SH3BP2: variants seen among roughly 807,000 people sequenced by gnomAD.
SH3BP2 encodes SH3 domain binding protein 2.
SH3BP2 carries 38 observed loss-of-function variants against 56.2 expected under a neutral mutation model. That is an observed-to-expected ratio of 0.68 (90% CI 0.52 to 0.89). The LOEUF (loss-of-function observed/expected upper bound fraction) is 0.89, where lower values mean the gene tolerates loss of function less well. SH3BP2 is among the 40% of genes least tolerant of loss of function. The probability of loss-of-function intolerance (pLI) is 0.00; values close to 1 mark genes in which losing one functional copy is unlikely to be tolerated. For synonymous variants in SH3BP2, 346 were observed against 316.7 expected, an observed-to-expected ratio of 1.09 and a Z score of -0.98; for missense variants, 748 against 762.6, an observed-to-expected ratio of 0.98 and a Z score of 0.23.
At chr4:2,803,082 C>T (rs930257686) in intron 1 of SH3BP2, among the ~76,000 whole-genome samples, 1 of 152,204 alleles carries the variant, frequency 6.6e-6, no homozygotes, top group Non-Finnish European at 1.5e-5. Flanking sequence ...CCGCCAAGAC[C>T]GCCACGGTAC....
intron 3 of SH3BP2, among the ~76,000 whole-genome samples, chr4:2,823,835 C>G (rs1265804150): frequency 6.6e-6 from 1 of 152,258 alleles, no homozygotes; most frequent in East Asian, 1.9e-4. Context: ...CGGCCTGCAC[C>G]CTGGCCACAG....
At position 2,802,673 on chromosome 4, in the gene SH3BP2, G is replaced by T. The variant is rs192663344; in HGVS notation, c.-5+9535G>T. On this transcript the variant is annotated intron_variant, in intron 1 of 12. Transcript: ENST00000503393. ...TATATGTATATGTGTGTGTGTGTGT[G>T]TATATATATATGTATATATGTATGT... Among the ~76,000 whole-genome samples, 74 of 135,506 alleles carry T rather than the reference G, an allele frequency of 5.5e-4. 1 individual carries two copies. The highest frequency in any genetic ancestry group is 7.1e-3 in the Middle Eastern group (2 of 280). The allele number at this position is 135,506 out of a possible 152,430, so 88.9% of individuals were successfully genotyped here. A position where few individuals can be genotyped will look rare whatever the true frequency, so the allele number is the denominator to read the frequency against.
chr4:2,832,417 G>A lies in SH3BP2; in HGVS notation c.1488+5G>A, dbSNP rs769705243. 1.1e-5 allele frequency: 17 copies of A among 1,613,308 alleles called. No homozygotes were observed. The Admixed American group carries it at 2.7e-4, about 25-fold the overall frequency. On this transcript the variant is annotated splice_donor_5th_base_variant and intron_variant, in intron 11 of 12. Transcript: ENST00000503393. ...TCCTCTACCAAGTCGGGGAAGGTAG[G>A]CGCCAGGGGAAGATGCCCCAGGGCC... is the stretch of plus-strand genomic sequence containing the variant.
chr4:2,794,356 C>G (rs745493307), intron 1 of SH3BP2: 1 of 152,226 alleles, frequency 6.6e-6, no homozygotes, highest in Non-Finnish European at 1.5e-5. Context: ...GCTCCACCCC[C>G]TCCTGGTTCT....
Position 2,829,664 on chromosome 4 carries a change from A to C in SH3BP2, c.758A>C (p.Asp253Ala). Residue 253 changes from aspartate to alanine, a missense_variant, in exon 8 of 13, where the codon GAC (aspartate) becomes GCC (alanine). Transcript: ENST00000503393. This position sits in a 1 kb window ranked among gnomAD's most constrained non-coding sequence, Gnocchi z 4.9. ...GLPDVGLAAE[D>A]SKRDPLCPRR... ...CCAGATGTTGGCCTGGCTGCTGAGG[A>C]CTCCAAGAGGGACCCACTGTGCCCG... 6.2e-7 allele frequency: 1 copy of C among 1,612,086 alleles called. No individual in the cohort carries two copies.
Position 2,831,777 on chromosome 4 carries a change from C to G in SH3BP2, c.1350+98C>G. 1.5e-6 allele frequency: 2 copies of G among 1,350,442 alleles called. No homozygotes were observed. The highest frequency in any genetic ancestry group is 2.1e-6 in the Non-Finnish European group (2 of 962,564). 83.7% of individuals were successfully genotyped at this position (1,350,442 alleles called of 1,614,324 possible). On this transcript the variant is annotated intron_variant, in intron 9 of 12. Coordinates refer to ENST00000503393, the MANE Select transcript of SH3BP2 (RefSeq NM_001122681.2). The surrounding 1 kb of genome is among the most constrained non-coding windows in gnomAD (Gnocchi z 4.1). The stretch of plus-strand genomic sequence containing the variant: ...GCGGCCCCTCACAGACCGTCCTGAG[C>G]AAGGACCCCCCGAGAACCCGGGAGC...
chr4:2,797,924 C>T (rs1723114803), intron 1 of SH3BP2, among the ~76,000 whole-genome samples: 1 of 152,250 alleles, frequency 6.6e-6, no homozygotes, highest in African/African-American at 2.4e-5. Flanking sequence ...TTTAACTCTA[C>T]TGAGCATCAG....
chr4:2,822,660 C>G (rs1250544042), intron 2 of SH3BP2, among the ~76,000 whole-genome samples: 1 of 152,268 alleles, frequency 6.6e-6, no homozygotes, highest in Non-Finnish European at 1.5e-5. Context: ...TGGCTCCACA[C>G]AGCCCCCCAA....
At chr4:2,833,626 C>T (rs899213013) in intron 12 of SH3BP2, 71 bp from the exon 13 acceptor site, 96 of 1,551,428 alleles carry the variant, frequency 6.2e-5, no homozygotes, top group East Asian at 1.4e-4. Context: ...GTTTTACAGA[C>T]GGGGAGACTG....
chr4:2,816,909 G>C (rs1724026364), intron 1 of SH3BP2, among the ~76,000 whole-genome samples: 3 of 152,190 alleles, frequency 2.0e-5, no homozygotes, highest in Admixed American at 2.0e-4. Flanking sequence ...TGATGTCTTT[G>C]TCTGGTTTTG....
In SH3BP2 at chr4:2,810,452, C is replaced by T. The variant is rs184644690; in HGVS notation, c.-4-10162C>T. Among the ~76,000 whole-genome samples, 287 of 151,774 alleles carry T rather than the reference C, an allele frequency of 1.9e-3. 4 individuals carry two copies. Among genetic ancestry groups the T allele is most frequent in the African/African-American group, 6.6e-3 (273 of 41,370 alleles). On this transcript the variant is annotated intron_variant, in intron 1 of 12. Coordinates refer to ENST00000503393, the MANE Select transcript of SH3BP2 (RefSeq NM_001122681.2). This position sits in a 1 kb window ranked among gnomAD's most constrained non-coding sequence, Gnocchi z 4.2. ...GCTTTTGGCGGAGCAAGGGCAGGGG[C>T]GAGCCTGGCTCCTGCTTCCAGCTCA...
intron 1 of SH3BP2, chr4:2,818,185 G>C (rs1323664670): frequency 1.0e-6 from 1 of 986,812 alleles, no homozygotes; most frequent in Non-Finnish European, 1.2e-6. Context: ...CCCGCCGAGA[G>C]GGGAGGAGCC....
In SH3BP2 at chr4:2,833,990, C is replaced by G. The variant is rs1487571686; in HGVS notation, c.*156C>G. On this transcript the variant is annotated 3_prime_UTR_variant, in exon 13 of 13. Transcript: ENST00000503393. ...ACATCTCGTAGGACCCAGCCAGTCT[C>G]ATCCAGCAGGTTGGGTTCTAGGGCT... 3.3e-6 allele frequency: 3 copies of G among 910,618 alleles called. No homozygotes were observed. The South Asian group carries it at 5.2e-5, about 16-fold the overall frequency. The allele number at this position is 910,618 out of a possible 1,614,324, so 56.4% of individuals were successfully genotyped here. A position where few individuals can be genotyped will look rare whatever the true frequency, so the allele number is the denominator to read the frequency against.
rs772676218 is a variant in SH3BP2, at chr4:2,831,875, C to T, written c.1351-48C>T. 32 of 1,595,676 alleles carry T rather than the reference C, an allele frequency of 2.0e-5. No homozygotes were observed. Among genetic ancestry groups the T allele is most frequent in the Middle Eastern group, 3.3e-4 (2 of 6,036 alleles). ...GGCCACCGTCCGGGGAGTGGTGGTG[C>T]GGGTGGATCACTCCGACGTTGGCAC... On this transcript the variant is annotated intron_variant, in intron 9 of 12. Transcript: ENST00000503393. This position sits in a 1 kb window ranked among gnomAD's most constrained non-coding sequence, Gnocchi z 4.1.
chr4:2,812,403 C>T (rs768650039), intron 1 of SH3BP2: 6 of 1,549,860 alleles, frequency 3.9e-6, no homozygotes, highest in African/African-American at 1.4e-5. Flanking sequence ...GCCGCATGGC[C>T]TCCCTGGGCC....
At chr4:2,802,471 T>C (rs2108701664) in intron 1 of SH3BP2, among the ~76,000 whole-genome samples, 1 of 150,810 alleles carries the variant, frequency 6.6e-6, no homozygotes, top group East Asian at 1.9e-4. Flanking sequence ...TATATATGTG[T>C]ATGTGTATAT....
intron 1 of SH3BP2, chr4:2,812,447 G>A (rs562395210): frequency 3.2e-6 from 5 of 1,550,248 alleles, no homozygotes; most frequent in East Asian, 2.4e-5. Flanking sequence ...TCACGAGGAC[G>A]GAGGGCCATG....
At chr4:2,795,261 C>T (rs1723023261) in intron 1 of SH3BP2, among the ~76,000 whole-genome samples, 1 of 152,218 alleles carries the variant, frequency 6.6e-6, no homozygotes, top group African/African-American at 2.4e-5. Context: ...CAGGTTCCTG[C>T]CCACATTGGA....
At chr4:2,822,009 A>C (rs1724333946) in intron 2 of SH3BP2, among the ~76,000 whole-genome samples, 1 of 152,124 alleles carries the variant, frequency 6.6e-6, no homozygotes, top group South Asian at 2.1e-4. Flanking sequence ...CTGGGATTAC[A>C]GGAGTGTGCC....
Sources: gnomAD v4.1 joint callset for allele counts (sites outside exome capture counted in the v4.1 genomes callset) on GRCh38, gnomAD v4.1.1 for gene constraint, Gnocchi (gnomAD v3.1) non-coding constraint, MANE v1.5 for transcripts, NCBI Gene and HGNC (gene_info 2026-07-23, HGNC 2026-07-21) for gene names.